Variants in SGIP1 observed in about 807,000 individuals in gnomAD.
SGIP1 encodes the protein SH3GL interacting endocytic adaptor 1.
In SGIP1, 38 loss-of-function variants were observed where a neutral mutation model predicts 107.5. That is an observed-to-expected ratio of 0.35 (90% CI 0.27 to 0.46). SGIP1 has a LOEUF of 0.46. Among genes scored for constraint, SGIP1 ranks in the 20% least tolerant of loss-of-function variants. The probability of loss-of-function intolerance (pLI) is 1.00; values close to 1 mark genes in which losing one functional copy is unlikely to be tolerated. For missense variants in SGIP1, 929 were observed against 1,019.5 expected (o/e 0.91, Z 1.21); for synonymous variants, 365 against 366.1 (o/e 1.00, Z 0.03).
At chr1:66,569,269 G>GAGTA (rs2060066292) in intron 1 of SGIP1, among the ~76,000 whole-genome samples, 1 of 151,926 alleles carries the variant, frequency 6.6e-6, no homozygotes, top group East Asian at 1.9e-4. Context: ...TGTTGAAAGG[G>GAGTA]AGTAGTGAGA....
At chr1:66,654,470 A>G (rs1302664766) in intron 7 of SGIP1, among the ~76,000 whole-genome samples, 1 of 152,074 alleles carries the variant, frequency 6.6e-6, no homozygotes, top group Non-Finnish European at 1.5e-5. Context: ...TTTCTTGTAC[A>G]ATTATACTTA....
intron 15 of SGIP1, among the ~76,000 whole-genome samples, chr1:66,687,695 C>A (rs2088763347): frequency 6.6e-6 from 1 of 152,098 alleles, no homozygotes; most frequent in Admixed American, 6.5e-5. Flanking sequence ...CACATAGATA[C>A]CTAACAATAC....
chr1:66,681,784 TA>T, intron 14 of SGIP1, 84 bp from the exon 15 acceptor site: 1 of 1,407,672 alleles, frequency 7.1e-7, no homozygotes, highest in Non-Finnish European at 9.7e-7. Context: ...GACACCAATG[TA>T]TTTTCCAGTC....
At position 66,568,220 on chromosome 1, in the gene SGIP1, G is replaced by A. The variant is rs548734257; in HGVS notation, c.10+33852G>A. Among the ~76,000 whole-genome samples, 40 of 152,070 alleles carry A rather than the reference G, an allele frequency of 2.6e-4. No homozygotes were observed. In the South Asian group the frequency reaches 8.1e-3, roughly 31 times the overall value. ...AGTTCTCCCTGAAGAGGTCCTTCAT[G>A]TCCCTTGTTACCTGTATTCCTAGGT... On this transcript the variant is annotated intron_variant, in intron 1 of 24. Transcript: ENST00000371037.
At chr1:66,657,621 A>C (rs560633758) in intron 7 of SGIP1, among the ~76,000 whole-genome samples, 1 of 152,276 alleles carries the variant, frequency 6.6e-6, no homozygotes, top group Non-Finnish European at 1.5e-5. Context: ...GCAGAGGATA[A>C]GGGTCTATGA....
chr1:66,582,178 G>T (rs2061913666), intron 1 of SGIP1, among the ~76,000 whole-genome samples: 1 of 152,050 alleles, frequency 6.6e-6, no homozygotes, highest in African/African-American at 2.4e-5. Flanking sequence ...TTGGGAAAAG[G>T]TCATCTTGAT....
intron 20 of SGIP1, 86 bp downstream of exon 20, chr1:66,729,505 G>A: frequency 2.0e-6 from 3 of 1,496,746 alleles, no homozygotes; most frequent in South Asian, 1.2e-5. Context: ...TAGCAACAGG[G>A]TCGCACTATA....
intron 1 of SGIP1, among the ~76,000 whole-genome samples, chr1:66,604,368 C>T (rs550490787): frequency 8.5e-5 from 13 of 152,206 alleles, no homozygotes; most frequent in African/African-American, 3.1e-4. Context: ...CCATCATGGT[C>T]GTCTCAGACA....
intron 17 of SGIP1, chr1:66,690,678 C>G (rs537979667): frequency 3.5e-5 from 6 of 171,918 alleles, no homozygotes; most frequent in Non-Finnish European, 7.3e-5. Flanking sequence ...TAAATTCCAA[C>G]CATGAACCAC....
At chr1:66,579,000 A>G (rs936839492) in intron 1 of SGIP1, among the ~76,000 whole-genome samples, 2 of 152,150 alleles carry the variant, frequency 1.3e-5, no homozygotes, top group Non-Finnish European at 2.9e-5. Flanking sequence ...TAGGGGGTAT[A>G]TCTACAAGTC....
intron 7 of SGIP1, among the ~76,000 whole-genome samples, chr1:66,647,572 A>G (rs1271144016): frequency 6.6e-6 from 1 of 152,212 alleles, no homozygotes; most frequent in Non-Finnish European, 1.5e-5. Flanking sequence ...AGAATTAAGT[A>G]ATCTCAGATT....
intron 1 of SGIP1, among the ~76,000 whole-genome samples, chr1:66,607,128 G>A (rs1282379204): frequency 1.3e-5 from 2 of 152,198 alleles, no homozygotes; most frequent in African/African-American, 2.4e-5. Context: ...CAGAATTCGA[G>A]CAGGCATTCC....
chr1:66,675,244 A>G (rs896534772), intron 12 of SGIP1, among the ~76,000 whole-genome samples: 1 of 152,210 alleles, frequency 6.6e-6, no homozygotes, highest in African/African-American at 2.4e-5. Context: ...TCATGAAGAA[A>G]ATGCTGCTTC....
intron 7 of SGIP1, among the ~76,000 whole-genome samples, chr1:66,653,506 C>T (rs186550750): frequency 2.0e-5 from 3 of 152,088 alleles, no homozygotes; most frequent in African/African-American, 7.2e-5. Flanking sequence ...TGCTCTCTTC[C>T]TGAAATGTAA....
chr1:66,684,149 G>T, intron 15 of SGIP1: 2 of 1,550,554 alleles, frequency 1.3e-6, no homozygotes, highest in Non-Finnish European at 1.7e-6. Context: ...ATTTGCCCAA[G>T]TTTACAAGCT....
At chr1:66,630,857 A>AGAGAG (rs1558133403) in intron 2 of SGIP1, among the ~76,000 whole-genome samples, 2 of 35,088 alleles carry the variant, frequency 5.7e-5, no homozygotes, top group African/African-American at 3.0e-4. Flanking sequence ...GAAAGAAAGA[A>AGAGAG]AGAAAGAAAG....
At chr1:66,591,837 G>A (rs748783209) in intron 1 of SGIP1, among the ~76,000 whole-genome samples, 18 of 152,202 alleles carry the variant, frequency 1.2e-4, no homozygotes, top group Non-Finnish European at 2.5e-4. Context: ...CGTGAGCAAA[G>A]ATCTCTGTGT....
chr1:66,750,895 T>C lies in SGIP1; in HGVS notation c.*7800T>C, dbSNP rs2094613066. Among the ~76,000 whole-genome samples the C allele has an allele frequency of 2.0e-5, 3 of 152,224 alleles. No individual in the cohort carries two copies. ...TCTTAACATTACTTGCCTTATAAGT[T>C]AGAAATAGTATGGATATCACTCTTT... On this transcript the variant is annotated 3_prime_UTR_variant, in exon 25 of 25. Coordinates refer to ENST00000371037, the MANE Select transcript of SGIP1 (RefSeq NM_032291.4).
At chr1:66,659,312 CAG>C (rs1191717024) in intron 7 of SGIP1, among the ~76,000 whole-genome samples, 1 of 152,082 alleles carries the variant, frequency 6.6e-6, no homozygotes, top group East Asian at 1.9e-4. Flanking sequence ...GAGGAAGTAA[CAG>C]GGCATTCTGA....
Sources: gnomAD v4.1 joint callset for allele counts (sites outside exome capture counted in the v4.1 genomes callset) on GRCh38, gnomAD v4.1.1 for gene constraint, MANE v1.5 for transcripts, NCBI Gene and HGNC (gene_info 2026-07-23, HGNC 2026-07-21) for gene names.